The following SYTL3 variants were observed in gnomAD, a reference collection of about 807,000 sequenced individuals.
The protein encoded by SYTL3 is synaptotagmin-like protein 3.
In SYTL3, 88 loss-of-function variants were observed where a neutral mutation model predicts 82.1. That is an observed-to-expected ratio of 1.07 (90% CI 0.90 to 1.28). The LOEUF (loss-of-function observed/expected upper bound fraction) is 1.28. Among genes scored for constraint, SYTL3 ranks in the 50% most tolerant of loss-of-function variants. SYTL3 has a pLI of 0.00. For missense variants in SYTL3, 831 were observed against 757.6 expected, an observed-to-expected ratio of 1.10 and a Z score of -1.14; for synonymous variants, 311 against 289.4, an observed-to-expected ratio of 1.07 and a Z score of -0.76.
intron 6 of SYTL3, among the ~76,000 whole-genome samples, chr6:158,694,210 A>C (rs976962513): frequency 7.2e-5 from 11 of 152,308 alleles, no homozygotes; most frequent in African/African-American, 2.6e-4. Flanking sequence ...TGATTAATGT[A>C]ATAAGACCTT....
At chr6:158,715,028 T>C (rs772092180) in intron 9 of SYTL3, among the ~76,000 whole-genome samples, 1 of 152,188 alleles carries the variant, frequency 6.6e-6, no homozygotes, top group Non-Finnish European at 1.5e-5. Context: ...AAAATCACTG[T>C]TTCCATCCTG....
At chr6:158,682,717 G>A (rs1048998630) in intron 5 of SYTL3, among the ~76,000 whole-genome samples, 1 of 152,158 alleles carries the variant, frequency 6.6e-6, no homozygotes, top group East Asian at 1.9e-4. Flanking sequence ...ACACATAGCG[G>A]TGGGAGTTGC....
rs201734859 is a variant in SYTL3, at chr6:158,699,356, A to G, written c.395-7874A>G. 4.6e-5 allele frequency among the ~76,000 whole-genome samples: 7 copies of G among 152,306 alleles called. No homozygotes were observed. In the East Asian group the frequency reaches 1.3e-3, roughly 29 times the overall value. The stretch of plus-strand genomic sequence containing the variant: ...GTATGGTTGGGGGTTAGCGTCCTCA[A>G]CTGACACCATGACAGAGCCCAGTTT... On this transcript the variant is annotated intron_variant, in intron 6 of 17. Transcript: ENST00000611299.
intron 6 of SYTL3, among the ~76,000 whole-genome samples, chr6:158,683,989 G>A (rs1266130809): frequency 6.6e-6 from 1 of 152,200 alleles, no homozygotes; most frequent in Admixed American, 6.5e-5. Context: ...GAGGTCTGCA[G>A]CCCAGGAAAC....
chr6:158,754,071 C>T (rs1243856550), intron 13 of SYTL3, among the ~76,000 whole-genome samples: 1 of 152,134 alleles, frequency 6.6e-6, no homozygotes, highest in African/African-American at 2.4e-5. Context: ...GTGCAGCACC[C>T]AGGCTTTGTG....
intron 11 of SYTL3, among the ~76,000 whole-genome samples, chr6:158,735,244 T>C (rs762911947): frequency 3.9e-4 from 59 of 152,246 alleles, no homozygotes; most frequent in Non-Finnish European, 7.6e-4. Flanking sequence ...AAAATTTGTT[T>C]TTAACAGCCC....
intron 11 of SYTL3, chr6:158,726,688 C>T (rs766955772): frequency 2.1e-5 from 6 of 284,000 alleles, no homozygotes; most frequent in East Asian, 9.8e-5. Context: ...TGGAAGCCTT[C>T]GTTCATTCAG....
intron 10 of SYTL3, 29 bp downstream of exon 10, chr6:158,718,240 C>T: frequency 6.8e-7 from 1 of 1,468,100 alleles, no homozygotes; most frequent in Non-Finnish European, 9.0e-7. Context: ...GGCCTCCACG[C>T]TGATCACCTT....
chr6:158,699,601 C>G (rs994303123), intron 6 of SYTL3, among the ~76,000 whole-genome samples: 8 of 152,156 alleles, frequency 5.3e-5, no homozygotes, highest in Non-Finnish European at 8.8e-5. Flanking sequence ...GCTGTGAGCC[C>G]TGCTGTGGGT....
At chr6:158,674,187 G>GCAAGTGTCTCTGC (rs1396203690) in intron 5 of SYTL3, among the ~76,000 whole-genome samples, 1 of 151,530 alleles carries the variant, frequency 6.6e-6, no homozygotes, top group African/African-American at 2.4e-5. Context: ...TCACATTCTG[G>GCAAGTGTCTCTGC]CAAGTGTCTC....
intron 12 of SYTL3, among the ~76,000 whole-genome samples, chr6:158,747,542 C>A (rs956312307): frequency 3.3e-5 from 5 of 151,754 alleles, no homozygotes; most frequent in African/African-American, 1.2e-4. Context: ...CAGTTCACTG[C>A]AGGCTCAAGC....
rs1183531933 is a variant in SYTL3 at position 158,764,602 on chromosome 6, T to G, written c.1831T>G (p.Ter611GlyextTer34). The G allele has an allele frequency of 6.2e-7, 1 of 1,610,644 alleles. No homozygotes were observed. ...GACAGACATGACTCTTGTCCTGCAC[T>G]GACATGAAGGCCTCAAGGTTCCAGG... ...LWTDMTLVLH[*>G] The change falls in exon 18 of 18, where the codon TGA becomes GGA. Residue 611 changes from the stop codon to glycine, a stop_lost. Transcript: ENST00000611299.
chr6:158,697,024 T>G (rs1780632132), intron 6 of SYTL3, among the ~76,000 whole-genome samples: 1 of 151,776 alleles, frequency 6.6e-6, no homozygotes, highest in African/African-American at 2.4e-5. Flanking sequence ...CTTAGTTACC[T>G]TATTTCACTT....
chr6:158,717,946 G>A (rs1583351217), intron 9 of SYTL3, 141 bp from the exon 10 acceptor site: 12 of 642,678 alleles, frequency 1.9e-5, no homozygotes, highest in East Asian at 3.4e-5. Flanking sequence ...GGAATGTGCC[G>A]CCCTTGCTCC....
At chr6:158,680,590 A>AAAAC in intron 5 of SYTL3, among the ~76,000 whole-genome samples, 1 of 151,422 alleles carries the variant, frequency 6.6e-6, no homozygotes, top group South Asian at 2.1e-4. Flanking sequence ...AAAAAAAAAA[A>AAAAC]AAAACACAAA....
chr6:158,676,041 T>C (rs1317750604), intron 5 of SYTL3, among the ~76,000 whole-genome samples: 2 of 152,156 alleles, frequency 1.3e-5, no homozygotes, highest in African/African-American at 4.8e-5. Context: ...CTTCACAGAA[T>C]TGGAAAAAAC....
chr6:158,697,826 G>T (rs1780727464), intron 6 of SYTL3, among the ~76,000 whole-genome samples: 1 of 152,184 alleles, frequency 6.6e-6, no homozygotes, highest in African/African-American at 2.4e-5. Context: ...ACTGCCCAGA[G>T]TGTCTGCCTG....
intron 11 of SYTL3, among the ~76,000 whole-genome samples, chr6:158,733,106 A>G (rs1373379045): frequency 6.6e-6 from 1 of 152,164 alleles, no homozygotes; most frequent in African/African-American, 2.4e-5. Flanking sequence ...GCTTTGTGCT[A>G]ATAACTCTTT....
rs1347954752 is a variant in SYTL3 at position 158,665,696 on chromosome 6, A to G, written c.329+83A>G. The G allele has an allele frequency of 1.5e-5, 15 of 1,031,916 alleles. 1 individual carries two copies. The South Asian group carries it at 1.9e-4, about 13-fold the overall frequency. The allele number at this position is 1,031,916 out of a possible 1,614,324, so 63.9% of individuals were successfully genotyped here. Reference sequence around the variant, plus strand: ...TTTACAAACCGCTCATAAAGAGAGCACTCACTCCTCACCTTCAGCCAGTAA... The same window carrying G: ...TTTACAAACCGCTCATAAAGAGAGCGCTCACTCCTCACCTTCAGCCAGTAA... On this transcript the variant is annotated intron_variant, in intron 5 of 17. Coordinates refer to ENST00000611299, the MANE Select transcript of SYTL3 (RefSeq NM_001242394.2).
Sources: gnomAD v4.1 joint callset for allele counts (sites outside exome capture counted in the v4.1 genomes callset) on GRCh38, gnomAD v4.1.1 for gene constraint, MANE v1.5 for transcripts, NCBI Gene and HGNC (gene_info 2026-07-23, HGNC 2026-07-21) for gene names.